COL4A4: variants seen among roughly 807,000 people sequenced by gnomAD.
COL4A4 encodes collagen alpha-4(IV) chain.
Under a neutral mutation model 192.9 loss-of-function variants are expected in COL4A4, and 105 were observed. That is an observed-to-expected ratio of 0.54 (90% CI 0.46 to 0.64). The LOEUF (loss-of-function observed/expected upper bound fraction) is 0.64, where lower values mean the gene tolerates loss of function less well. COL4A4 is among the 30% of genes least tolerant of loss of function. The pLI is 0.00. For synonymous variants in COL4A4, 762 were observed against 769.9 expected (o/e 0.99, Z 0.17); for missense variants, 1,967 against 2,169.3 (o/e 0.91, Z 1.85).
rs1441636210 is a variant in COL4A4, at chr2:227,123,022, A to C, written c.193-1874T>G. On this transcript the variant is annotated intron_variant, in intron 4 of 47. Coordinates refer to ENST00000396625, the MANE Select transcript of COL4A4 (RefSeq NM_000092.5). The surrounding 1 kb of genome is among the most constrained non-coding windows in gnomAD (Gnocchi z 4.6). Reference sequence around the variant, plus strand: ...TGGGATTACAGTTGCATGCCACCACACCTGGCTAATTTTTGTATTTTTAGT... The same window carrying C: ...TGGGATTACAGTTGCATGCCACCACCCCTGGCTAATTTTTGTATTTTTAGT... 6.6e-6 allele frequency among the ~76,000 whole-genome samples: 1 copy of C among 151,822 alleles called. No homozygotes were observed. Among genetic ancestry groups the C allele is most frequent in the Non-Finnish European group, 1.5e-5 (1 of 67,960 alleles).
At chr2:227,103,940 T>A in intron 13 of COL4A4, 32 bp downstream of exon 13, 1 of 1,551,682 alleles carries the variant, frequency 6.4e-7, no homozygotes, top group Middle Eastern at 1.7e-4. Flanking sequence ...CTACTGCTAC[T>A]TTCCAAGGTG....
chr2:227,001,537 CTA>C (rs1239188868), downstream of COL4A4, among the ~76,000 whole-genome samples: 1 of 152,100 alleles, frequency 6.6e-6, no homozygotes. Context: ...CAGGACACCT[CTA>C]TGTGAGACCC....
chr2:227,083,649 T>C (rs1259040185), intron 22 of COL4A4, among the ~76,000 whole-genome samples: 1 of 152,046 alleles, frequency 6.6e-6, no homozygotes, highest in Non-Finnish European at 1.5e-5. Context: ...AGATGGGGTC[T>C]TGCTGTATTG....
the COL4A4 span, among the ~76,000 whole-genome samples, chr2:226,993,444 C>G: frequency 6.6e-6 from 1 of 152,192 alleles, no homozygotes; most frequent in Non-Finnish European, 1.5e-5. Context: ...TTAAAAACAA[C>G]TGTTAAAGGC....
the COL4A4 span, among the ~76,000 whole-genome samples, chr2:226,979,684 G>A: frequency 6.6e-6 from 1 of 152,208 alleles, no homozygotes; most frequent in Non-Finnish European, 1.5e-5. Flanking sequence ...TCCACTGGAT[G>A]GTGCCCACCC....
chr2:227,117,452 A>G (rs2061548351), intron 7 of COL4A4, among the ~76,000 whole-genome samples: 1 of 152,212 alleles, frequency 6.6e-6, no homozygotes, highest in Non-Finnish European at 1.5e-5. Context: ...GGATGTTCTT[A>G]TTTGATACCA....
Position 227,132,136 on chromosome 2 carries a change from G to A in COL4A4, c.192+8025C>T, listed in dbSNP as rs139918237. Among the ~76,000 whole-genome samples the A allele has an allele frequency of 5.3e-5, 8 of 152,312 alleles. No homozygotes were observed. In the East Asian group the frequency reaches 1.5e-3, roughly 29 times the overall value. On this transcript the variant is annotated intron_variant, in intron 4 of 47. Transcript: ENST00000396625. ...GTTCAAGCTCAAGTGCTAACCCACA[G>A]CTCCCTGTGCCCTGACCCCGATATG...
intron 15 of COL4A4, 79 bp from the exon 16 acceptor site, chr2:227,101,988 T>C (rs1428275872): frequency 1.9e-6 from 2 of 1,029,188 alleles, no homozygotes; most frequent in African/African-American, 1.6e-5. Flanking sequence ...TTTTTCACCT[T>C]ATCAAATTGT....
At chr2:227,082,763 G>A (rs1576382041) in intron 22 of COL4A4, among the ~76,000 whole-genome samples, 1 of 152,218 alleles carries the variant, frequency 6.6e-6, no homozygotes, top group Non-Finnish European at 1.5e-5. Context: ...AGCAGGAGAA[G>A]AGGAATTAAG....
chr2:227,015,655 G>A (rs907496622), intron 44 of COL4A4, among the ~76,000 whole-genome samples: 1 of 152,178 alleles, frequency 6.6e-6, no homozygotes, highest in South Asian at 2.1e-4. Flanking sequence ...GCAGGGCCTT[G>A]TTGGATTAAC....
At chr2:227,108,782 C>T (rs1333569072) in intron 11 of COL4A4, 51 bp downstream of exon 11, 3 of 1,584,726 alleles carry the variant, frequency 1.9e-6, no homozygotes, top group South Asian at 1.1e-5. Context: ...CAGTGGTCAA[C>T]CATTTCATTG....
intron 9 of COL4A4, among the ~76,000 whole-genome samples, chr2:227,110,284 G>C (rs2061118591): frequency 6.6e-6 from 1 of 152,194 alleles, no homozygotes; most frequent in African/African-American, 2.4e-5. Context: ...CAGCAACATT[G>C]AGGTATCACA....
chr2:227,021,073 G>T lies in COL4A4; in HGVS notation c.4216+975C>A, dbSNP rs188682676. On this transcript the variant is annotated intron_variant, in intron 44 of 47. Coordinates refer to ENST00000396625, the MANE Select transcript of COL4A4 (RefSeq NM_000092.5). ...TAAGAGACAAGGTCTCACCATGTTG[G>T]CCAGGTTGGTCTCAAACTCCTGACC... Among the ~76,000 whole-genome samples, 208 of 151,938 alleles carry T rather than the reference G, an allele frequency of 1.4e-3. 1 individual carries two copies. The highest frequency in any genetic ancestry group is 4.8e-3 in the African/African-American group (199 of 41,424).
At chr2:227,059,371 T>C in intron 28 of COL4A4, 34 bp downstream of exon 28, 1 of 1,568,596 alleles carries the variant, frequency 6.4e-7, no homozygotes, top group Non-Finnish European at 8.8e-7. Flanking sequence ...CTGAGCCAGC[T>C]CTATGCACCA....
chr2:227,147,165 G>T, intron 2 of COL4A4: 1 of 620,038 alleles, frequency 1.6e-6, no homozygotes, highest in South Asian at 1.4e-5. Flanking sequence ...GTGAGTAAGC[G>T]AGCAAGAATC....
intron 44 of COL4A4, among the ~76,000 whole-genome samples, chr2:227,016,266 C>T (rs59977754): frequency 0.033 from 4,963 of 152,180 alleles, 255 homozygotes; most frequent in African/African-American, 0.11. Flanking sequence ...GTTGAGAAAC[C>T]GCTCCACACA....
intron 35 of COL4A4, among the ~76,000 whole-genome samples, chr2:227,045,852 A>ATG (rs1559488206): frequency 4.6e-5 from 4 of 87,802 alleles, no homozygotes; most frequent in African/African-American, 1.6e-4. Context: ...ATATATACAC[A>ATG]TATATATATA....
intron 17 of COL4A4, among the ~76,000 whole-genome samples, chr2:227,099,950 A>G (rs960008139): frequency 1.3e-5 from 2 of 152,236 alleles, no homozygotes; most frequent in Non-Finnish European, 2.9e-5. Context: ...AAATTATTCT[A>G]TGCCTATAAA....
At position 227,109,276 on chromosome 2, in the gene COL4A4, C is replaced by A. The variant is rs1357694989; in HGVS notation, c.605G>T (p.Gly202Val). 1.2e-6 allele frequency: 2 copies of A among 1,613,904 alleles called. No homozygotes were observed. The highest frequency in any genetic ancestry group is 8.5e-7 in the Non-Finnish European group (1 of 1,179,786). The change falls in exon 10 of 48, where the codon GGT becomes GTT. Residue 202 changes from glycine to valine, a missense_variant. Transcript: ENST00000396625. ...TGTGGGACCTGCCGGTCCTCCTGCACCCCAAGATCCCTAAACATGAGAAAA... is the reference window on the plus strand; with the variant it reads ...TGTGGGACCTGCCGGTCCTCCTGCAACCCAAGATCCCTAAACATGAGAAAA... ...PGLPGLPGSWGAGGPAGPTGY... is the reference protein window; with the variant it reads ...PGLPGLPGSWVAGGPAGPTGY...
Sources: allele counts gnomAD v4.1 joint callset (sites outside exome capture counted in the v4.1 genomes callset), GRCh38; gene constraint gnomAD v4.1.1; non-coding constraint Gnocchi (gnomAD v3.1); transcripts MANE v1.5; gene names NCBI Gene and HGNC (gene_info 2026-07-23, HGNC 2026-07-21).